The following NLRC4 variants were observed in gnomAD, a reference collection of about 807,000 sequenced individuals.
NLRC4 encodes the protein NLR family CARD domain-containing protein 4.
A neutral mutation model predicts 79.9 loss-of-function variants in NLRC4; 63 were observed. The observed-to-expected ratio is 0.79, with a 90% CI of 0.64 to 0.97. The LOEUF is 0.97. Ranked by LOEUF, NLRC4 falls within the 50% of genes least tolerant of loss-of-function variation. The pLI is 0.00. For synonymous variants in NLRC4, 461 were observed against 456.5 expected (o/e 1.01, Z -0.12); for missense variants, 1,074 against 1,215.2 (o/e 0.88, Z 1.73).
intron 4 of NLRC4, among the ~76,000 whole-genome samples, chr2:32,246,116 G>A (rs1298664947): frequency 2.0e-5 from 3 of 152,158 alleles, no homozygotes; most frequent in Non-Finnish European, 4.4e-5. Context: ...TCCGGGAGGT[G>A]GAGGTTGCAG....
chr2:32,253,924 A>T (rs988405089), intron 2 of NLRC4, among the ~76,000 whole-genome samples: 1 of 141,950 alleles, frequency 7.0e-6, no homozygotes, highest in African/African-American at 2.7e-5. Context: ...AGATGGTGCC[A>T]TTGCACTCCA....
chr2:32,262,289 C>G (rs1687371749), intron 1 of NLRC4, among the ~76,000 whole-genome samples: 1 of 152,064 alleles, frequency 6.6e-6, no homozygotes, highest in South Asian at 2.1e-4. Flanking sequence ...CTTTCTACTT[C>G]CCCAAAAAGG....
intron 6 of NLRC4, among the ~76,000 whole-genome samples, chr2:32,236,824 T>C (rs1558449088): frequency 6.6e-6 from 1 of 151,488 alleles, no homozygotes; most frequent in African/African-American, 2.4e-5. Context: ...GACATAATAG[T>C]TGAGATATTA....
At chr2:32,258,136 G>T (rs191473650) in intron 1 of NLRC4, among the ~76,000 whole-genome samples, 210 of 152,230 alleles carry the variant, frequency 1.4e-3, no homozygotes, top group Middle Eastern at 3.4e-3. Flanking sequence ...TTTTTCCCCG[G>T]AGTAAGACCG....
intron 3 of NLRC4, among the ~76,000 whole-genome samples, chr2:32,251,831 T>G (rs1687085777): frequency 1.3e-5 from 2 of 152,128 alleles, no homozygotes; most frequent in South Asian, 2.1e-4. Flanking sequence ...CAACCAAATC[T>G]TATAGCAGCT....
chr2:32,253,012 C>T lies in NLRC4; in HGVS notation c.2-333G>A, dbSNP rs370460623. 1.5e-3 allele frequency among the ~76,000 whole-genome samples: 232 copies of T among 151,190 alleles called. 1 individual carries two copies. The highest frequency in any genetic ancestry group is 5.3e-3 in the African/African-American group (219 of 41,144). On this transcript the variant is annotated intron_variant, in intron 2 of 8. Coordinates refer to ENST00000402280, the MANE Select transcript of NLRC4 (RefSeq NM_001199138.2). ...CGGCCTGGGCGAAAGAGCGAGACTC[C>T]GTCTAAAAAAAAAAAATTAAATATG...
intron 4 of NLRC4, 124 bp downstream of exon 4, chr2:32,249,483 G>A (rs575489503): frequency 1.3e-4 from 105 of 797,724 alleles, no homozygotes; most frequent in Non-Finnish European, 1.6e-4. Flanking sequence ...TCAGCCTGTG[G>A]GATGGCCACC....
rs546001494 is a variant in NLRC4, at chr2:32,253,961, T to A, written c.2-1282A>T. Among the ~76,000 whole-genome samples, 6 of 86,708 alleles carry A rather than the reference T, an allele frequency of 6.9e-5. 1 individual carries two copies. In the East Asian group the frequency reaches 1.5e-3, roughly 22 times the overall value. The allele number at this position is 86,708 out of a possible 152,430, so 56.9% of individuals were successfully genotyped here. Reference sequence around the variant, plus strand: ...CCTGGGCAACAAGAGCAAAACTCTGTCTCAAAAAAAAAAAAAAAAAAAAGT... The same window carrying A: ...CCTGGGCAACAAGAGCAAAACTCTGACTCAAAAAAAAAAAAAAAAAAAAGT... On this transcript the variant is annotated intron_variant, in intron 2 of 8. Coordinates refer to ENST00000402280, the MANE Select transcript of NLRC4 (RefSeq NM_001199138.2).
At chr2:32,262,945 T>C (rs1687386552) in intron 1 of NLRC4, among the ~76,000 whole-genome samples, 1 of 151,152 alleles carries the variant, frequency 6.6e-6, no homozygotes, top group East Asian at 1.9e-4. Flanking sequence ...ATATTATATA[T>C]ATATAGGCAA....
At chr2:32,229,258 C>T (rs1421017363) in intron 8 of NLRC4, among the ~76,000 whole-genome samples, 8 of 151,532 alleles carry the variant, frequency 5.3e-5, no homozygotes, top group Admixed American at 3.3e-4. Flanking sequence ...GATGAAACCT[C>T]GTCTCTACTA....
intron 4 of NLRC4, among the ~76,000 whole-genome samples, chr2:32,242,380 C>A (rs1268860185): frequency 6.6e-6 from 1 of 152,140 alleles, no homozygotes; most frequent in African/African-American, 2.4e-5. Flanking sequence ...ATAATATAAA[C>A]AAATCTATGC....
At position 32,241,143 on chromosome 2, in the gene NLRC4, A is replaced by T. The variant is rs2148936570; in HGVS notation, c.2258-18T>A. 2 of 1,460,794 alleles carry T rather than the reference A, an allele frequency of 1.4e-6. No homozygotes were observed. Among genetic ancestry groups the T allele is most frequent in the East Asian group, 4.6e-5 (2 of 43,788 alleles). The allele number at this position is 1,460,794 out of a possible 1,614,324, so 90.5% of individuals were successfully genotyped here. On this transcript the variant is annotated intron_variant, in intron 4 of 8. Coordinates refer to ENST00000402280, the MANE Select transcript of NLRC4 (RefSeq NM_001199138.2). ...CAGACCACCTGTCAAAAGAAAAAAG[A>T]TTGGACTCTTTCAGCAGATATTTGC...
chr2:32,234,596 C>T (rs892214657), intron 8 of NLRC4, among the ~76,000 whole-genome samples: 4 of 152,150 alleles, frequency 2.6e-5, no homozygotes, highest in Non-Finnish European at 4.4e-5. Flanking sequence ...ACTTGTGCAA[C>T]CAGTGGGATA....
At chr2:32,236,393 A>G (rs546817557) in intron 6 of NLRC4, 54 bp from the exon 7 acceptor site, 1 of 1,064,704 alleles carries the variant, frequency 9.4e-7, no homozygotes, top group Non-Finnish European at 1.4e-6. Flanking sequence ...ATATAAATGT[A>G]TTTTGAAGTA....
At chr2:32,254,410 T>C (rs1020438131) in intron 2 of NLRC4, among the ~76,000 whole-genome samples, 1 of 151,878 alleles carries the variant, frequency 6.6e-6, no homozygotes, top group Non-Finnish European at 1.5e-5. Context: ...TTTTATCCAA[T>C]GTAAGCTCTC....
intron 2 of NLRC4, among the ~76,000 whole-genome samples, chr2:32,255,740 C>T (rs1343561815): frequency 1.3e-5 from 2 of 152,010 alleles, no homozygotes; most frequent in Non-Finnish European, 2.9e-5. Context: ...AGTGGCTAGG[C>T]GTGGTGGCTC....
At chr2:32,248,866 T>C (rs1019847009) in intron 4 of NLRC4, among the ~76,000 whole-genome samples, 2 of 152,378 alleles carry the variant, frequency 1.3e-5, no homozygotes, top group Middle Eastern at 3.4e-3. Flanking sequence ...ATAAGCAATA[T>C]TGATAGTTGT....
intron 1 of NLRC4, among the ~76,000 whole-genome samples, chr2:32,261,877 T>C (rs1224217867): frequency 6.6e-6 from 1 of 150,648 alleles, no homozygotes; most frequent in African/African-American, 2.4e-5. Flanking sequence ...GGTCAAGAGA[T>C]CGAGACCATC....
intron 1 of NLRC4, among the ~76,000 whole-genome samples, chr2:32,260,217 AAAAAAAAAAAAAAAAACAACG>A (rs1687310257): frequency 6.6e-6 from 1 of 150,564 alleles, no homozygotes; most frequent in Non-Finnish European, 1.5e-5. Flanking sequence ...CAACGACAAA[AAAAAAAAAAAAAAAAACAACG>A]AAAAAAAAAA....
Sources: gnomAD v4.1 joint callset for allele counts (sites outside exome capture counted in the v4.1 genomes callset) on GRCh38, gnomAD v4.1.1 for gene constraint, MANE v1.5 for transcripts, NCBI Gene and HGNC (gene_info 2026-07-23, HGNC 2026-07-21) for gene names.